PRKN: variants seen among roughly 807,000 people sequenced by gnomAD.
PRKN encodes E3 ubiquitin-protein ligase parkin.
A neutral mutation model predicts 59.5 loss-of-function variants in PRKN; 56 were observed. The observed-to-expected ratio is 0.94, with a 90% CI of 0.76 to 1.18. The LOEUF is 1.18. Among genes scored for constraint, PRKN ranks in the 50% most tolerant of loss-of-function variants. The probability of loss-of-function intolerance (pLI) is 0.00; values close to 1 mark genes in which losing one functional copy is unlikely to be tolerated. For missense variants in PRKN, 657 were observed against 596.4 expected (o/e 1.10, Z -1.06); for synonymous variants, 250 against 222.1 (o/e 1.13, Z -1.12).
chr6:161,509,123 C>T (rs912495901), intron 9 of PRKN, among the ~76,000 whole-genome samples: 3 of 152,074 alleles, frequency 2.0e-5, no homozygotes, highest in Non-Finnish European at 1.5e-5. Flanking sequence ...GGATTACAGG[C>T]GTGAGCCACC....
chr6:161,430,838 A>AAAG (rs1491398143), intron 9 of PRKN, among the ~76,000 whole-genome samples: 1 of 134,702 alleles, frequency 7.4e-6, no homozygotes, highest in Non-Finnish European at 1.6e-5. Flanking sequence ...AAAAAAAAAA[A>AAAG]GAAATACTGA....
intron 1 of PRKN, among the ~76,000 whole-genome samples, chr6:162,698,759 T>C (rs1372667807): frequency 6.6e-6 from 1 of 152,208 alleles, no homozygotes; most frequent in Non-Finnish European, 1.5e-5. Context: ...TTTTGTGATA[T>C]GTCCAGGTTT....
chr6:162,211,914 G>A (rs1313744443), intron 3 of PRKN, among the ~76,000 whole-genome samples: 1 of 152,092 alleles, frequency 6.6e-6, no homozygotes, highest in African/African-American at 2.4e-5. Context: ...TTTTTCTCTA[G>A]TAACATACTG....
At chr6:162,679,497 A>G (rs1779689201) in intron 1 of PRKN, among the ~76,000 whole-genome samples, 1 of 152,184 alleles carries the variant, frequency 6.6e-6, no homozygotes, top group Non-Finnish European at 1.5e-5. Context: ...TATATCTAAG[A>G]AATCTTTGAC....
chr6:162,233,328 T>G (rs1355961800), intron 3 of PRKN, among the ~76,000 whole-genome samples: 1 of 152,194 alleles, frequency 6.6e-6, no homozygotes, highest in Non-Finnish European at 1.5e-5. Flanking sequence ...CATTAAGGAA[T>G]GTATTGACTG....
At chr6:162,599,875 G>A (rs1464510200) in intron 1 of PRKN, among the ~76,000 whole-genome samples, 1 of 152,142 alleles carries the variant, frequency 6.6e-6, no homozygotes, top group African/African-American at 2.4e-5. Context: ...GTTTCTAAAG[G>A]TGGAAATCCT....
chr6:161,422,191 T>C (rs897796246), intron 9 of PRKN, among the ~76,000 whole-genome samples: 5 of 147,374 alleles, frequency 3.4e-5, no homozygotes, highest in African/African-American at 1.3e-4. Flanking sequence ...GAAACACAAA[T>C]AAAATCTTTT....
intron 1 of PRKN, among the ~76,000 whole-genome samples, chr6:162,491,412 C>T (rs1792810010): frequency 1.3e-5 from 2 of 152,202 alleles, no homozygotes; most frequent in Admixed American, 1.3e-4. Context: ...ACTGGGTCTC[C>T]AGGGCCCAGA....
intron 9 of PRKN, among the ~76,000 whole-genome samples, chr6:161,478,556 T>C (rs1172426811): frequency 1.1e-4 from 16 of 152,194 alleles, no homozygotes. Flanking sequence ...TTCTGAATGA[T>C]GTGGCCAGCC....
intron 7 of PRKN, among the ~76,000 whole-genome samples, chr6:161,680,268 C>T (rs1463353933): frequency 6.6e-6 from 1 of 152,174 alleles, no homozygotes; most frequent in Non-Finnish European, 1.5e-5. Context: ...CGGTAACCTA[C>T]AGGACATAAA....
chr6:162,332,458 G>T (rs770409551), intron 2 of PRKN, among the ~76,000 whole-genome samples: 1 of 152,092 alleles, frequency 6.6e-6, no homozygotes, highest in African/African-American at 2.4e-5. Context: ...CTCTCCTTTA[G>T]GACGCACATA....
intron 7 of PRKN, among the ~76,000 whole-genome samples, chr6:161,757,871 C>CTCTCTCTCTGTG (rs1380898753): frequency 0.011 from 1,063 of 97,966 alleles, 68 homozygotes; most frequent in African/African-American, 0.021. Flanking sequence ...CTCTCTCTCT[C>CTCTCTCTCTGTG]TGTGTATATA....
intron 6 of PRKN, among the ~76,000 whole-genome samples, chr6:161,834,239 T>G (rs1792642761): frequency 2.0e-5 from 3 of 151,828 alleles, no homozygotes; most frequent in Admixed American, 2.0e-4. Context: ...ATCCAAACAC[T>G]TCTCCCTTAG....
At chr6:161,837,571 C>A (rs6940374) in intron 6 of PRKN, among the ~76,000 whole-genome samples, 4 of 147,032 alleles carry the variant, frequency 2.7e-5, no homozygotes, top group African/African-American at 2.6e-5. Context: ...GGTTTTTTTT[C>A]CTTTAAAAAA....
At chr6:161,759,288 C>T (rs919220599) in intron 7 of PRKN, among the ~76,000 whole-genome samples, 6 of 152,130 alleles carry the variant, frequency 3.9e-5, no homozygotes, top group Admixed American at 6.5e-5. Context: ...GTTCATGGCA[C>T]GCCTGCATCT....
chr6:162,571,994 CA>C (rs997603244), intron 1 of PRKN, among the ~76,000 whole-genome samples: 21 of 151,884 alleles, frequency 1.4e-4, no homozygotes, highest in African/African-American at 5.1e-4. Context: ...GAAAAAAAAA[CA>C]AACAGACATT....
At chr6:162,407,942 T>A (rs571666863) in intron 2 of PRKN, among the ~76,000 whole-genome samples, 116 of 145,924 alleles carry the variant, frequency 7.9e-4, no homozygotes, top group African/African-American at 2.6e-3. Flanking sequence ...GTTCCTAATT[T>A]AAAAAAAAAA....
intron 1 of PRKN, among the ~76,000 whole-genome samples, chr6:162,499,989 T>G (rs990550396): frequency 6.6e-6 from 1 of 152,088 alleles, no homozygotes; most frequent in African/African-American, 2.4e-5. Flanking sequence ...CTTTTCTAGT[T>G]AAGGATGCCA....
chr6:161,548,668 T>C lies in PRKN; in HGVS notation c.1083+186A>G, dbSNP rs1583215130. 1 of 616,254 alleles carries C rather than the reference T, an allele frequency of 1.6e-6. No individual in the cohort carries two copies. Among genetic ancestry groups the C allele is most frequent in the East Asian group, 2.8e-5 (1 of 35,310 alleles). The allele number at this position is 616,254 out of a possible 1,614,324, so 38.2% of individuals were successfully genotyped here. A position where few individuals can be genotyped will look rare whatever the true frequency, so the allele number is the denominator to read the frequency against. On this transcript the variant is annotated intron_variant, in intron 9 of 11. Transcript: ENST00000366898. The surrounding 1 kb of genome is among the most constrained non-coding windows in gnomAD (Gnocchi z 4.2). ...CTTCATATAACTGTTTTCACCAAAATAAATACATAAATTTTCAAATCTGGA... is the reference window on the plus strand; with the variant it reads ...CTTCATATAACTGTTTTCACCAAAACAAATACATAAATTTTCAAATCTGGA...
Sources: gnomAD v4.1 joint callset for allele counts (sites outside exome capture counted in the v4.1 genomes callset) on GRCh38, gnomAD v4.1.1 for gene constraint, Gnocchi (gnomAD v3.1) non-coding constraint, MANE v1.5 for transcripts, NCBI Gene and HGNC (gene_info 2026-07-23, HGNC 2026-07-21) for gene names.